CDH1: variants seen among roughly 807,000 people sequenced by gnomAD.
CDH1 encodes the protein cadherin-1.
CDH1 carries 35 observed loss-of-function variants against 84.5 expected under a neutral mutation model. The observed-to-expected ratio is 0.41, with a 90% CI of 0.32 to 0.55. CDH1 has a LOEUF of 0.55. CDH1 is among the 20% of genes least tolerant of loss of function. CDH1 has a pLI of 0.19. For synonymous variants in CDH1, 417 were observed against 439.0 expected (o/e 0.95, Z 0.63); for missense variants, 994 against 1,126.6 (o/e 0.88, Z 1.68).
intron 2 of CDH1, among the ~76,000 whole-genome samples, chr16:68,782,454 T>A (rs184417830): frequency 6.6e-6 from 1 of 152,216 alleles, no homozygotes. Flanking sequence ...TGGGGGCCAC[T>A]CTGTAGTTGA....
intron 2 of CDH1, among the ~76,000 whole-genome samples, chr16:68,743,167 C>T (rs1326947079): frequency 6.6e-6 from 1 of 152,162 alleles, no homozygotes; most frequent in Non-Finnish European, 1.5e-5. Context: ...GTTACACATT[C>T]CCTTCCAAGG....
intron 2 of CDH1, among the ~76,000 whole-genome samples, chr16:68,745,343 C>T (rs574000860): frequency 6.5e-4 from 98 of 150,050 alleles, no homozygotes; most frequent in African/African-American, 2.3e-3. Context: ...AAAATTTAGC[C>T]AGGTATGGTG....
At chr16:68,791,911 C>T (rs1050800944) in intron 2 of CDH1, among the ~76,000 whole-genome samples, 6 of 151,774 alleles carry the variant, frequency 4.0e-5, no homozygotes, top group Non-Finnish European at 8.8e-5. Flanking sequence ...GGGACGTCTG[C>T]CTATGTATTT....
chr16:68,760,622 C>T (rs1023936905), intron 2 of CDH1, among the ~76,000 whole-genome samples: 2 of 152,164 alleles, frequency 1.3e-5, no homozygotes, highest in Non-Finnish European at 1.5e-5. Flanking sequence ...CCACCACACA[C>T]ACCTTGAGGT....
chr16:68,829,556 G>T, intron 14 of CDH1, 98 bp from the exon 15 acceptor site: 1 of 1,177,558 alleles, frequency 8.5e-7, no homozygotes, highest in South Asian at 1.3e-5. Flanking sequence ...TGGCAGTGAA[G>T]GCATCATCCA....
chr16:68,780,261 TC>T (rs1959838427), intron 2 of CDH1, among the ~76,000 whole-genome samples: 1 of 152,192 alleles, frequency 6.6e-6, no homozygotes, highest in African/African-American at 2.4e-5. Context: ...CCTCCAGCAC[TC>T]CCTCCTTATC....
At position 68,811,816 on chromosome 16, in the gene CDH1, A is replaced by G. The variant is rs876661274; in HGVS notation, c.965A>G (p.Asn322Ser). ...PDKNMFTINR[N>S]TGVISVVTTG... ...AAAAATATGTTCACCATTAACAGGA[A>G]CACAGGAGTCATCAGTGTGGTCACC... The change falls in exon 7 of 16, where the codon AAC (asparagine) becomes AGC (serine). Residue 322 changes from asparagine (N) to serine (S), a missense_variant. This residue lies in a region of CDH1 where 769 missense variants were observed against 881.8 expected (regional missense o/e 0.87). Coordinates refer to ENST00000261769, the MANE Select transcript of CDH1 (RefSeq NM_004360.5). 4 of 1,614,184 alleles carry G rather than the reference A, an allele frequency of 2.5e-6. No individual in the cohort carries two copies. The highest frequency in any genetic ancestry group is 2.7e-5 in the African/African-American group (2 of 75,038).
At chr16:68,823,823 T>C (rs951847386) in intron 13 of CDH1, among the ~76,000 whole-genome samples, 197 bp downstream of exon 13, 1 of 152,068 alleles carries the variant, frequency 6.6e-6, no homozygotes, top group African/African-American at 2.4e-5. Context: ...TGGTCTAAGA[T>C]GGGAAGGCCA....
At chr16:68,801,965 G>A (rs1960529796) in intron 3 of CDH1, 72 bp downstream of exon 3, 1 of 1,267,180 alleles carries the variant, frequency 7.9e-7, no homozygotes, top group Non-Finnish European at 1.1e-6. Flanking sequence ...CTCAGCCTTG[G>A]TACCGTTGAC....
intron 3 of CDH1, among the ~76,000 whole-genome samples, chr16:68,807,052 GGAAACTTTACT>G (rs1225607071): frequency 6.6e-6 from 1 of 152,070 alleles, no homozygotes; most frequent in Non-Finnish European, 1.5e-5. Flanking sequence ...ATTTTCCCCT[GGAAACTTTACT>G]GTGTTACCAG....
At chr16:68,779,445 C>T (rs1021966613) in intron 2 of CDH1, among the ~76,000 whole-genome samples, 3 of 152,218 alleles carry the variant, frequency 2.0e-5, no homozygotes, top group Non-Finnish European at 4.4e-5. Context: ...GGGCAAATCC[C>T]TTACCACTGT....
At chr16:68,794,984 A>C (rs1338834178) in intron 2 of CDH1, among the ~76,000 whole-genome samples, 1 of 151,648 alleles carries the variant, frequency 6.6e-6, no homozygotes, top group Non-Finnish European at 1.5e-5. Flanking sequence ...GAGCCACCGC[A>C]CCTGGCCAAC....
Position 68,811,806 on chromosome 16 carries a change from A to G in CDH1, c.955A>G (p.Ile319Val), listed in dbSNP as rs1486730461. ...GCTCCCTGACAAAAATATGTTCACC[A>G]TTAACAGGAACACAGGAGTCATCAG... The part of the protein sequence containing the change: ...PELPDKNMFT[I>V]NRNTGVISVV... Residue 319 changes from isoleucine to valine, a missense_variant, in exon 7 of 16, where the codon ATT (isoleucine) becomes GTT (valine). By Grantham distance (29) the Ile-to-Val change is conservative. This residue lies in a region of CDH1 where 769 missense variants were observed against 881.8 expected (regional missense o/e 0.87). Coordinates refer to ENST00000261769, the MANE Select transcript of CDH1 (RefSeq NM_004360.5). 1 of 1,614,182 alleles carries G rather than the reference A, an allele frequency of 6.2e-7. No individual in the cohort carries two copies. Among genetic ancestry groups the G allele is most frequent in the Non-Finnish European group, 8.5e-7 (1 of 1,180,028 alleles).
chr16:68,802,213 G>C (rs1239910891), intron 3 of CDH1, among the ~76,000 whole-genome samples: 1 of 152,214 alleles, frequency 6.6e-6, no homozygotes, highest in South Asian at 2.1e-4. Flanking sequence ...GGATCGGGTA[G>C]TGTAGAAGAG....
intron 2 of CDH1, among the ~76,000 whole-genome samples, chr16:68,750,478 G>A (rs1336865694): frequency 2.6e-5 from 4 of 152,004 alleles, no homozygotes; most frequent in Non-Finnish European, 5.9e-5. Flanking sequence ...CTGCCTAGAA[G>A]GGTTGAACCT....
intron 2 of CDH1, among the ~76,000 whole-genome samples, chr16:68,782,853 T>A (rs985015134): frequency 5.9e-5 from 9 of 152,256 alleles, no homozygotes; most frequent in Admixed American, 2.6e-4. Context: ...GGGTCAGTGT[T>A]CCTCTTAGAG....
chr16:68,782,269 G>A (rs1205170330), intron 2 of CDH1, among the ~76,000 whole-genome samples: 2 of 152,174 alleles, frequency 1.3e-5, no homozygotes, highest in Admixed American at 1.3e-4. Context: ...AGGCCCTGGG[G>A]ATGTTGCCCT....
intron 13 of CDH1, among the ~76,000 whole-genome samples, chr16:68,827,366 CTTT>C (rs66996303): frequency 6.8e-6 from 1 of 147,864 alleles, no homozygotes; most frequent in African/African-American, 2.5e-5. Context: ...CACATGGAAT[CTTT>C]TTTTTTTTCA....
At chr16:68,775,129 A>AG in intron 2 of CDH1, among the ~76,000 whole-genome samples, 1 of 149,896 alleles carries the variant, frequency 6.7e-6, no homozygotes, top group African/African-American at 2.4e-5. Flanking sequence ...CTGTCTCAAA[A>AG]AAAAAAAAAA....
Sources: gnomAD v4.1 joint callset for allele counts (sites outside exome capture counted in the v4.1 genomes callset) on GRCh38, gnomAD v4.1.1 for gene constraint, gnomAD v4.1.1 regional missense constraint, MANE v1.5 for transcripts, NCBI Gene and HGNC (gene_info 2026-07-23, HGNC 2026-07-21) for gene names.